NCOA1: variants seen among roughly 807,000 people sequenced by gnomAD.
NCOA1 encodes the protein nuclear receptor coactivator 1.
In NCOA1, 35 loss-of-function variants were observed where a neutral mutation model predicts 150.9. That is an observed-to-expected ratio of 0.23 (90% CI 0.18 to 0.31). The LOEUF (loss-of-function observed/expected upper bound fraction) is 0.31, where lower values mean the gene tolerates loss of function less well. Ranked by LOEUF, NCOA1 falls within the 10% of genes least tolerant of loss-of-function variation. The pLI, the probability that NCOA1 is intolerant of heterozygous loss-of-function variation, is 1.00. For synonymous variants in NCOA1, 590 were observed against 630.0 expected (o/e 0.94, Z 0.95); for missense variants, 1,491 against 1,749.3 (o/e 0.85, Z 2.63).
In NCOA1 at chr2:24,562,091, A is replaced by G. The variant is rs190498238; in HGVS notation, c.-395-2204A>G. On this transcript the variant is annotated intron_variant, in intron 1 of 22. Transcript: ENST00000348332. ...TTATCTACTATTATTAAAGGGGGAG[A>G]AATTTCAAAGCAGAGAAATAATAAA... is the stretch of plus-strand genomic sequence containing the variant. 3.9e-3 allele frequency among the ~76,000 whole-genome samples: 599 copies of G among 152,332 alleles called. 1 individual carries two copies. The highest frequency in any genetic ancestry group is 7.6e-3 in the Admixed American group (116 of 15,298).
chr2:24,641,607 T>C (rs1323573745), intron 3 of NCOA1, among the ~76,000 whole-genome samples: 1 of 152,136 alleles, frequency 6.6e-6, no homozygotes, highest in African/African-American at 2.4e-5. Flanking sequence ...TTGAAGGATA[T>C]TTTTGCTGGA....
intron 8 of NCOA1, among the ~76,000 whole-genome samples, chr2:24,686,252 C>CT (rs768789528): frequency 3.0e-4 from 45 of 152,300 alleles, no homozygotes; most frequent in Non-Finnish European, 6.2e-4. Flanking sequence ...ATCTGCCTGC[C>CT]TCAGCCTCTC....
intron 22 of NCOA1, among the ~76,000 whole-genome samples, chr2:24,764,924 G>A (rs1038207220): frequency 6.6e-6 from 1 of 152,182 alleles, no homozygotes; most frequent in Admixed American, 6.5e-5. Context: ...GCTTACACCT[G>A]TAATCCCAGC....
intron 2 of NCOA1, among the ~76,000 whole-genome samples, chr2:24,582,727 C>G (rs1308007111): frequency 6.6e-6 from 1 of 152,082 alleles, no homozygotes; most frequent in Non-Finnish European, 1.5e-5. Context: ...CAGTAGTAAC[C>G]CAAACAGCAT....
At chr2:24,619,948 C>T (rs956891186) in intron 3 of NCOA1, among the ~76,000 whole-genome samples, 2 of 152,152 alleles carry the variant, frequency 1.3e-5, no homozygotes, top group Middle Eastern at 3.4e-3. Flanking sequence ...TGTTCTTTCT[C>T]AGATTTTCTT....
At chr2:24,665,704 A>T (rs1374954237) in intron 5 of NCOA1, 45 bp from the exon 6 acceptor site, 2 of 1,390,782 alleles carry the variant, frequency 1.4e-6, no homozygotes. Context: ...AGAAGGAAAT[A>T]TGGTGATACA....
At chr2:24,523,473 G>T (rs1186941166) in intron 1 of NCOA1, among the ~76,000 whole-genome samples, 1 of 151,146 alleles carries the variant, frequency 6.6e-6, no homozygotes, top group Non-Finnish European at 1.5e-5. Context: ...AGGTGTGGTG[G>T]TGGGTGCCTG....
At chr2:24,528,026 G>A (rs563369403) in intron 1 of NCOA1, among the ~76,000 whole-genome samples, 6 of 152,106 alleles carry the variant, frequency 3.9e-5, no homozygotes, top group Non-Finnish European at 7.4e-5. Context: ...ATGTTTTCTT[G>A]CTATTGAGTT....
At chr2:24,548,534 G>GTCTTAGCTCATTTCAA (rs1665697593) in intron 1 of NCOA1, among the ~76,000 whole-genome samples, 1 of 152,146 alleles carries the variant, frequency 6.6e-6, no homozygotes, top group South Asian at 2.1e-4. Flanking sequence ...GCTCATTTCA[G>GTCTTAGCTCATTTCAA]CATTAACTCA....
chr2:24,552,769 T>G (rs565774781), intron 1 of NCOA1, among the ~76,000 whole-genome samples: 1 of 152,336 alleles, frequency 6.6e-6, no homozygotes, highest in Non-Finnish European at 1.5e-5. Context: ...TTATTTCTAA[T>G]TATTCGTTAC....
intron 1 of NCOA1, among the ~76,000 whole-genome samples, chr2:24,556,656 T>C (rs565672128): frequency 7.6e-4 from 116 of 152,196 alleles, no homozygotes; most frequent in Middle Eastern, 3.4e-3. Context: ...ATTAGAGAAA[T>C]GCAAATCAAA....
chr2:24,624,654 A>G (rs1450472499), intron 3 of NCOA1, among the ~76,000 whole-genome samples: 1 of 152,196 alleles, frequency 6.6e-6, no homozygotes, highest in African/African-American at 2.4e-5. Flanking sequence ...TTGTTGATGA[A>G]TGGCAGATAC....
intron 3 of NCOA1, among the ~76,000 whole-genome samples, chr2:24,640,332 A>G (rs1384327003): frequency 6.6e-6 from 1 of 152,138 alleles, no homozygotes; most frequent in East Asian, 1.9e-4. Flanking sequence ...CATTTAGGAC[A>G]AGCTAGTCAT....
intron 14 of NCOA1, among the ~76,000 whole-genome samples, chr2:24,718,488 A>G (rs1389568562): frequency 6.6e-6 from 1 of 152,174 alleles, no homozygotes; most frequent in African/African-American, 2.4e-5. Context: ...ATGAAAGTCC[A>G]CGTCCATAAA....
At chr2:24,591,338 G>A (rs1667649244) in intron 3 of NCOA1, among the ~76,000 whole-genome samples, 1 of 152,144 alleles carries the variant, frequency 6.6e-6, no homozygotes, top group African/African-American at 2.4e-5. Flanking sequence ...TACAGGTTCT[G>A]CAATCAGACA....
Position 24,665,878 on chromosome 2 carries a change from A to T in NCOA1, c.219A>T (p.Thr73=). 1.3e-6 allele frequency: 2 copies of T among 1,598,524 alleles called. No homozygotes were observed. The highest frequency in any genetic ancestry group is 1.7e-6 in the Non-Finnish European group (2 of 1,172,026). ...ACAAATGCAAGATTTTGAAGAAAACAGTCGATCAGATACAGCTAATGAAGA... is the reference window on the plus strand; with the variant it reads ...ACAAATGCAAGATTTTGAAGAAAACTGTCGATCAGATACAGCTAATGAAGA... The part of the protein sequence containing the change: ...KPDKCKILKK[T]VDQIQLMKRM... Residue 73 remains threonine, a synonymous_variant, in exon 6 of 23, where the codon ACA becomes ACT. Coordinates refer to ENST00000348332, the MANE Select transcript of NCOA1 (RefSeq NM_003743.5).
intron 17 of NCOA1, among the ~76,000 whole-genome samples, chr2:24,735,723 A>AT (rs1663263203): frequency 6.6e-6 from 1 of 152,316 alleles, no homozygotes; most frequent in South Asian, 2.1e-4. Context: ...GTATTGGTTG[A>AT]GATTTTTAAA....
intron 3 of NCOA1, among the ~76,000 whole-genome samples, chr2:24,618,037 T>C (rs1668952740): frequency 6.6e-6 from 1 of 152,150 alleles, no homozygotes; most frequent in Non-Finnish European, 1.5e-5. Flanking sequence ...TATAGAGATA[T>C]TTATAGAAAG....
At chr2:24,750,843 T>C (rs10181449) in intron 19 of NCOA1, among the ~76,000 whole-genome samples, 1,732 of 150,966 alleles carry the variant, frequency 0.011, 36 homozygotes, top group African/African-American at 0.039. Context: ...ATAAATTTAC[T>C]AAAAATCATT....
Sources: allele counts gnomAD v4.1 joint callset (sites outside exome capture counted in the v4.1 genomes callset), GRCh38; gene constraint gnomAD v4.1.1; transcripts MANE v1.5; gene names NCBI Gene and HGNC (gene_info 2026-07-23, HGNC 2026-07-21).